ACSL5: variants seen among roughly 807,000 people sequenced by gnomAD.
The protein encoded by ACSL5 is long-chain-fatty-acid--CoA ligase 5.
ACSL5 carries 50 observed loss-of-function variants against 84.9 expected under a neutral mutation model. The observed-to-expected ratio is 0.59, with a 90% CI of 0.47 to 0.75. The LOEUF (loss-of-function observed/expected upper bound fraction) is 0.75. ACSL5 is among the 30% of genes least tolerant of loss of function. ACSL5 has a pLI of 0.00. For synonymous variants in ACSL5, 280 were observed against 300.7 expected (o/e 0.93, Z 0.71); for missense variants, 775 against 830.4 (o/e 0.93, Z 0.82).
At chr10:112,375,981 G>C (rs1488982736) in intron 1 of ACSL5, among the ~76,000 whole-genome samples, 1 of 152,176 alleles carries the variant, frequency 6.6e-6, no homozygotes, top group Non-Finnish European at 1.5e-5. Flanking sequence ...CTTCTGATCT[G>C]AGGGGGCACC....
chr10:112,381,160 C>T (rs979939092), intron 1 of ACSL5, among the ~76,000 whole-genome samples: 2 of 152,166 alleles, frequency 1.3e-5, no homozygotes, highest in Non-Finnish European at 2.9e-5. Context: ...GTGTTCCATA[C>T]AGCCGTCTTA....
chr10:112,411,786 C>A, intron 10 of ACSL5, 116 bp from the exon 11 acceptor site: 1 of 990,646 alleles, frequency 1.0e-6, no homozygotes, highest in Non-Finnish European at 1.6e-6. Flanking sequence ...ACACAGTGTA[C>A]CGCCTATACA....
intron 19 of ACSL5, 165 bp downstream of exon 19, chr10:112,426,524 T>C: frequency 1.6e-6 from 1 of 635,568 alleles, no homozygotes; most frequent in Non-Finnish European, 2.7e-6. Flanking sequence ...TAAAACTCTC[T>C]TTTCTATTTA....
In ACSL5 at chr10:112,427,255, T is replaced by A; in HGVS notation, c.1949T>A (p.Ile650Asn). 1 of 1,613,572 alleles carries A rather than the reference T, an allele frequency of 6.2e-7. No individual in the cohort carries two copies. Among genetic ancestry groups the A allele is most frequent in the South Asian group, 1.1e-5 (1 of 90,944 alleles). Residue 650 changes from isoleucine (I) to asparagine (N), a missense_variant, in exon 21 of 21, where the codon ATT becomes AAT. By Grantham distance (149) the Ile-to-Asn change is moderately radical (BLOSUM62 -3). Transcript: ENST00000354655. ...AIFLHPEPFS[I>N]ENGLLTPTLK... ...TTTCTTCATCCAGAGCCATTTTCCA[T>A]TGAAAATGGGCTCTTGACACCAACA...
chr10:112,422,286 C>A (rs765101963), intron 16 of ACSL5, 39 bp from the exon 17 acceptor site: 2 of 1,560,602 alleles, frequency 1.3e-6, no homozygotes, highest in Admixed American at 1.7e-5. Context: ...GGAGGAGCAG[C>A]CTTTGCTATT....
chr10:112,406,988 A>T (rs1268083683), intron 5 of ACSL5, among the ~76,000 whole-genome samples: 1 of 152,182 alleles, frequency 6.6e-6, no homozygotes, highest in Non-Finnish European at 1.5e-5. Flanking sequence ...AGGCCTCAGA[A>T]TCATGGTAGG....
chr10:112,417,796 T>C (rs373095472), intron 13 of ACSL5, 50 bp from the exon 14 acceptor site: 2 of 1,513,070 alleles, frequency 1.3e-6, no homozygotes, highest in Non-Finnish European at 9.2e-7. Flanking sequence ...GTGGAGGAAA[T>C]TGAAGCCAAG....
intron 2 of ACSL5, among the ~76,000 whole-genome samples, chr10:112,395,649 C>G (rs2133593799): frequency 6.6e-6 from 1 of 152,290 alleles, no homozygotes; most frequent in East Asian, 1.9e-4. Context: ...GAATTAGGCT[C>G]ACTCCCCCGA....
intron 1 of ACSL5, among the ~76,000 whole-genome samples, chr10:112,375,783 G>A (rs144372544): frequency 3.3e-4 from 51 of 152,296 alleles, no homozygotes; most frequent in African/African-American, 1.1e-3. Context: ...CAGCCCTGTC[G>A]TTCCTGACTT....
Position 112,426,891 on chromosome 10 carries a change from CTT to C in ACSL5, c.1911+33_1911+34del, listed in dbSNP as rs763888027. On this transcript the variant is annotated intron_variant, in intron 20 of 20. Coordinates refer to ENST00000354655, the MANE Select transcript of ACSL5 (RefSeq NM_203379.2). ...GCTACCACTGATGTTATACTGGCCT[CTT>C]GTCAGAAAGTTTTGTTTAAAGTTTC... 1.4e-5 allele frequency: 22 copies of C among 1,529,932 alleles called. No homozygotes were observed. In the Admixed American group the frequency reaches 3.2e-4, roughly 22 times the overall value. The allele number at this position is 1,529,932 out of a possible 1,614,324, so 94.8% of individuals were successfully genotyped here. A position where few individuals can be genotyped will look rare whatever the true frequency, so the allele number is the denominator to read the frequency against.
chr10:112,409,624 A>G lies in ACSL5; in HGVS notation c.650A>G (p.Asp217Gly). 1.2e-6 allele frequency: 2 copies of G among 1,614,178 alleles called. No individual in the cohort carries two copies. Among genetic ancestry groups the G allele is most frequent in the Non-Finnish European group, 1.7e-6 (2 of 1,180,006 alleles). Residue 217 changes from aspartate to glycine, a missense_variant, in exon 7 of 21, where the codon GAT (aspartate) becomes GGT (glycine). Coordinates refer to ENST00000354655, the MANE Select transcript of ACSL5 (RefSeq NM_203379.2). The part of the protein sequence containing the change: ...KVIILMDPFD[D>G]DLKQRGEKSG... ...ATCATCCTTATGGACCCCTTTGATGATGACCTGAAGCAAAGAGGGGAGAAG... is the reference window on the plus strand; with the variant it reads ...ATCATCCTTATGGACCCCTTTGATGGTGACCTGAAGCAAAGAGGGGAGAAG...
chr10:112,426,387 C>T (rs1844715016), intron 19 of ACSL5, 28 bp downstream of exon 19: 1 of 1,584,408 alleles, frequency 6.3e-7, no homozygotes, highest in Non-Finnish European at 8.7e-7. Flanking sequence ...AAGCTTTATG[C>T]ACACCCATGG....
At position 112,417,921 on chromosome 10, in the gene ACSL5, C is replaced by T. The variant is rs1437322930; in HGVS notation, c.1294C>T (p.Arg432Trp). ...PMSTSVMTFF[R>W]AAMGCQVYEA... Reference sequence around the variant, plus strand: ...GTCCACTTCAGTCATGACATTCTTCCGGGCAGCAATGGGATGTCAGGTAAG... The same window carrying T: ...GTCCACTTCAGTCATGACATTCTTCTGGGCAGCAATGGGATGTCAGGTAAG... The change falls in exon 14 of 21, where the codon CGG (arginine) becomes TGG (tryptophan). Residue 432 changes from arginine (R) to tryptophan (W), a missense_variant. By Grantham distance (101) the Arg-to-Trp change is moderately radical (BLOSUM62 -3). Transcript: ENST00000354655. 14 of 1,609,410 alleles carry T rather than the reference C, an allele frequency of 8.7e-6. No individual in the cohort carries two copies. Among genetic ancestry groups the T allele is most frequent in the Admixed American group, 3.4e-5 (2 of 59,266 alleles).
At chr10:112,374,650 T>C (rs1048768514) in intron 1 of ACSL5, among the ~76,000 whole-genome samples, 1 of 152,212 alleles carries the variant, frequency 6.6e-6, no homozygotes, top group South Asian at 2.1e-4. Context: ...AGAGTCCCAT[T>C]TGGCAGACAG....
intron 12 of ACSL5, among the ~76,000 whole-genome samples, chr10:112,415,101 CAT>C (rs1844283827): frequency 6.6e-6 from 1 of 152,182 alleles, no homozygotes; most frequent in Admixed American, 6.5e-5. Context: ...GGTTTTTGTT[CAT>C]ATGTTGTTGT....
At chr10:112,398,494 T>A (rs1843796895) in intron 2 of ACSL5, among the ~76,000 whole-genome samples, 1 of 152,002 alleles carries the variant, frequency 6.6e-6, no homozygotes, top group Admixed American at 6.6e-5. Flanking sequence ...AACCTCTGCC[T>A]CCCCGGTTCA....
At chr10:112,416,219 C>A (rs943764757) in intron 12 of ACSL5, among the ~76,000 whole-genome samples, 2 of 152,114 alleles carry the variant, frequency 1.3e-5, no homozygotes, top group African/African-American at 4.8e-5. Context: ...CGCCTGTAAT[C>A]CCAGCACTTT....
At chr10:112,382,712 T>C (rs1276818639) in intron 1 of ACSL5, among the ~76,000 whole-genome samples, 2 of 152,254 alleles carry the variant, frequency 1.3e-5, no homozygotes, top group Non-Finnish European at 2.9e-5. Context: ...CCAGGACACC[T>C]GTCTGAAGCC....
Position 112,425,356 on chromosome 10 carries a change from A to T in ACSL5, c.1612A>T (p.Ile538Phe). The change falls in exon 18 of 21, where the codon ATC becomes TTC. Residue 538 changes from isoleucine to phenylalanine, a missense_variant. Physicochemically the swap from Ile to Phe is conservative, Grantham distance 21 (BLOSUM62 0). Coordinates refer to ENST00000354655, the MANE Select transcript of ACSL5 (RefSeq NM_203379.2). ...RWLPNGTLKI[I>F]DRKKNIFKLA... is the part of the protein sequence containing the mutation. ...CATGTAGAATGGAACTCTGAAGATC[A>T]TCGACCGTAAAAAGAACATTTTCAA... is the stretch of plus-strand genomic sequence containing the variant. The T allele has an allele frequency of 6.2e-7, 1 of 1,613,012 alleles. No individual in the cohort carries two copies. The highest frequency in any genetic ancestry group is 8.5e-7 in the Non-Finnish European group (1 of 1,179,550).
Sources: gnomAD v4.1 joint callset for allele counts (sites outside exome capture counted in the v4.1 genomes callset) on GRCh38, gnomAD v4.1.1 for gene constraint, MANE v1.5 for transcripts, NCBI Gene and HGNC (gene_info 2026-07-23, HGNC 2026-07-21) for gene names.